Variants in UBASH3B observed in about 807,000 individuals in gnomAD.
The protein encoded by UBASH3B is ubiquitin associated and SH3 domain containing B, also known as ubiquitin-associated and SH3 domain-containing protein B.
In UBASH3B, 37 loss-of-function variants were observed where a neutral mutation model predicts 83.4. The observed-to-expected ratio is 0.44, with a 90% CI of 0.34 to 0.58. The LOEUF is 0.58. Among genes scored for constraint, UBASH3B ranks in the 20% least tolerant of loss-of-function variants. The probability of loss-of-function intolerance (pLI) is 0.01; values close to 1 mark genes in which losing one functional copy is unlikely to be tolerated. For missense variants in UBASH3B, 657 were observed against 827.2 expected, an observed-to-expected ratio of 0.79 and a Z score of 2.52; for synonymous variants, 304 against 318.3, an observed-to-expected ratio of 0.96 and a Z score of 0.48.
chr11:122,699,394 C>T (rs1227496638), intron 1 of UBASH3B, among the ~76,000 whole-genome samples: 7 of 152,190 alleles, frequency 4.6e-5, no homozygotes, highest in Non-Finnish European at 1.0e-4. Flanking sequence ...GCATTTCCTG[C>T]AACCTCTATG....
intron 1 of UBASH3B, among the ~76,000 whole-genome samples, chr11:122,714,124 G>A (rs1305082790): frequency 6.6e-6 from 1 of 152,156 alleles, no homozygotes; most frequent in African/African-American, 2.4e-5. Context: ...GTCATATGCT[G>A]GGCATCATCT....
chr11:122,794,723 A>G lies in UBASH3B; in HGVS notation c.1002A>G (p.Thr334=). Residue 334 remains threonine, a synonymous_variant, in exon 7 of 14, where the codon ACA becomes ACG. Coordinates refer to ENST00000284273, the MANE Select transcript of UBASH3B (RefSeq NM_032873.5). ...IFHGSYSILN[T]SSSNSLTFGD... ...GCAGTTCTTATTCAATCTTAAATAC[A>G]TCGTCATCCAACTCTCTCACGTTTG... is the stretch of plus-strand genomic sequence containing the variant. 6.2e-7 allele frequency: 1 copy of G among 1,614,120 alleles called. No homozygotes were observed. The highest frequency in any genetic ancestry group is 1.3e-5 in the African/African-American group (1 of 75,022).
chr11:122,751,407 A>G (rs1861197186), intron 1 of UBASH3B, among the ~76,000 whole-genome samples: 1 of 152,190 alleles, frequency 6.6e-6, no homozygotes, highest in South Asian at 2.1e-4. Context: ...CTCTGTCGTC[A>G]TCTGTCCATT....
chr11:122,789,875 C>T (rs1197670130), intron 6 of UBASH3B, among the ~76,000 whole-genome samples: 1 of 152,192 alleles, frequency 6.6e-6, no homozygotes, highest in East Asian at 1.9e-4. Context: ...CCCCCCTCCC[C>T]TCTGCCAGTC....
At chr11:122,734,703 T>A (rs1860903220) in intron 1 of UBASH3B, among the ~76,000 whole-genome samples, 1 of 152,024 alleles carries the variant, frequency 6.6e-6, no homozygotes, top group Non-Finnish European at 1.5e-5. Flanking sequence ...ATTAAGGCAA[T>A]TCCAGTAGAG....
At chr11:122,778,295 T>C (rs979710666) in intron 3 of UBASH3B, among the ~76,000 whole-genome samples, 4 of 152,208 alleles carry the variant, frequency 2.6e-5, no homozygotes, top group African/African-American at 9.6e-5. Flanking sequence ...GTGACTGTCA[T>C]TTCCTCTTAG....
At chr11:122,774,075 A>G in intron 1 of UBASH3B, 4 of 983,814 alleles carry the variant, frequency 4.1e-6, no homozygotes, top group Non-Finnish European at 4.8e-6. Flanking sequence ...AAAAAGCGAG[A>G]TGTGTGGCCT....
chr11:122,657,044 G>T (rs1169305083), intron 1 of UBASH3B, among the ~76,000 whole-genome samples: 1 of 152,182 alleles, frequency 6.6e-6, no homozygotes, highest in Non-Finnish European at 1.5e-5. Flanking sequence ...AAGTCTCAGG[G>T]GCTGGAACTC....
intron 11 of UBASH3B, among the ~76,000 whole-genome samples, chr11:122,803,980 TGG>T (rs986464441): frequency 1.3e-5 from 2 of 151,964 alleles, no homozygotes; most frequent in African/African-American, 4.8e-5. Context: ...CTCCAGACAC[TGG>T]AGTCATTCAC....
chr11:122,739,945 C>T (rs1860997809), intron 1 of UBASH3B, among the ~76,000 whole-genome samples: 1 of 152,208 alleles, frequency 6.6e-6, no homozygotes, highest in Non-Finnish European at 1.5e-5. Flanking sequence ...AGCTGATTTC[C>T]TTACATTCAT....
At chr11:122,792,375 G>C (rs1342079885) in intron 6 of UBASH3B, among the ~76,000 whole-genome samples, 1 of 149,312 alleles carries the variant, frequency 6.7e-6, no homozygotes, top group East Asian at 2.0e-4. Flanking sequence ...CTGGAGCACA[G>C]TGGTGCAATG....
chr11:122,703,242 A>G (rs1864068962), intron 1 of UBASH3B, among the ~76,000 whole-genome samples: 1 of 152,084 alleles, frequency 6.6e-6, no homozygotes, highest in South Asian at 2.1e-4. Flanking sequence ...CCTGGCTAAC[A>G]CAGTGAAACC....
intron 1 of UBASH3B, among the ~76,000 whole-genome samples, chr11:122,699,566 TTTCTTTC>T (rs1864014338): frequency 2.2e-5 from 3 of 135,648 alleles, no homozygotes; most frequent in Non-Finnish European, 3.3e-5. Context: ...TCTTTCTTTC[TTTCTTTC>T]TTTTCTTTCT....
intron 11 of UBASH3B, among the ~76,000 whole-genome samples, chr11:122,801,700 G>A (rs1036637388): frequency 2.0e-5 from 3 of 152,138 alleles, no homozygotes; most frequent in Non-Finnish European, 4.4e-5. Flanking sequence ...CAGTTTCTAC[G>A]TTTAATTTTT....
Position 122,810,037 on chromosome 11 carries a change from T to C in UBASH3B, c.*151T>C. 2 of 912,336 alleles carry C rather than the reference T, an allele frequency of 2.2e-6. No homozygotes were observed. The highest frequency in any genetic ancestry group is 2.3e-4 in the Middle Eastern group (1 of 4,340). 56.5% of individuals were successfully genotyped at this position (912,336 alleles called of 1,614,324 possible). ...ACACTTAAAGTTCTTAAGATGAGAC[T>C]GTGTAAATGAGAGAAAGACTTGATT... is the stretch of plus-strand genomic sequence containing the variant. On this transcript the variant is annotated 3_prime_UTR_variant, in exon 14 of 14. Transcript: ENST00000284273.
At chr11:122,657,271 A>AT (rs112842383) in intron 1 of UBASH3B, among the ~76,000 whole-genome samples, 15,898 of 150,690 alleles carry the variant, frequency 0.11, 872 homozygotes, top group Non-Finnish European at 0.12. Flanking sequence ...CCCTTCTCAC[A>AT]TTTTTTTTTC....
chr11:122,689,891 G>C (rs1347325261), intron 1 of UBASH3B, among the ~76,000 whole-genome samples: 2 of 152,126 alleles, frequency 1.3e-5, no homozygotes, highest in African/African-American at 4.8e-5. Flanking sequence ...GATGTGTAAG[G>C]TGAGGTATGG....
chr11:122,779,808 C>A, intron 4 of UBASH3B, 113 bp downstream of exon 4: 4 of 1,288,436 alleles, frequency 3.1e-6, no homozygotes, highest in Non-Finnish European at 4.3e-6. Context: ...GGTGGAGGAC[C>A]CTGCAGGAAT....
intron 1 of UBASH3B, among the ~76,000 whole-genome samples, chr11:122,658,162 C>G (rs12418320): frequency 2.9e-5 from 4 of 139,702 alleles, no homozygotes; most frequent in Non-Finnish European, 3.0e-5. Flanking sequence ...GGTTACAGAG[C>G]GAGACTTCAT....
Sources: allele counts gnomAD v4.1 joint callset (sites outside exome capture counted in the v4.1 genomes callset), GRCh38; gene constraint gnomAD v4.1.1; transcripts MANE v1.5; gene names NCBI Gene and HGNC (gene_info 2026-07-23, HGNC 2026-07-21).